Variants in PTPRK observed in about 807,000 individuals in gnomAD.
PTPRK encodes receptor-type tyrosine-protein phosphatase kappa.
Under a neutral mutation model 178.0 loss-of-function variants are expected in PTPRK, and 75 were observed. The ratio of observed to expected loss-of-function variants is 0.42; its 90% CI spans 0.35 to 0.51. The LOEUF is 0.51. Among genes scored for constraint, PTPRK ranks in the 20% least tolerant of loss-of-function variants. The pLI is 0.02. For missense variants in PTPRK, 1,441 were observed against 1,797.8 expected, an observed-to-expected ratio of 0.80 and a Z score of 3.59; for synonymous variants, 637 against 620.6, an observed-to-expected ratio of 1.03 and a Z score of -0.39.
chr6:128,340,032 A>C (rs915593151), intron 2 of PTPRK, among the ~76,000 whole-genome samples: 1 of 152,200 alleles, frequency 6.6e-6, no homozygotes, highest in African/African-American at 2.4e-5. Flanking sequence ...CCAGTAAAAG[A>C]GAGTGGTGGT....
chr6:128,507,384 C>T (rs150830868), intron 1 of PTPRK, among the ~76,000 whole-genome samples: 2 of 152,238 alleles, frequency 1.3e-5, no homozygotes, highest in Non-Finnish European at 2.9e-5. Flanking sequence ...CTCTAGAGGC[C>T]ATGTGGGCCT....
intron 13 of PTPRK, among the ~76,000 whole-genome samples, chr6:128,046,559 G>C (rs1778060792): frequency 6.6e-6 from 1 of 152,150 alleles, no homozygotes. Context: ...AAAAGTATCT[G>C]AAAATTTATT....
At chr6:128,514,552 A>C (rs1406120227) in intron 1 of PTPRK, among the ~76,000 whole-genome samples, 1 of 152,236 alleles carries the variant, frequency 6.6e-6, no homozygotes, top group Non-Finnish European at 1.5e-5. Flanking sequence ...TGGAGGATTC[A>C]GCCAGCACTG....
At chr6:128,044,149 C>G (rs1182071381) in intron 13 of PTPRK, among the ~76,000 whole-genome samples, 1 of 151,998 alleles carries the variant, frequency 6.6e-6, no homozygotes, top group Non-Finnish European at 1.5e-5. Context: ...ACTTAGATTT[C>G]AAAGAGCTTA....
At chr6:127,981,578 A>T (rs755016251) in intron 24 of PTPRK, among the ~76,000 whole-genome samples, 4 of 152,172 alleles carry the variant, frequency 2.6e-5, no homozygotes, top group Non-Finnish European at 2.9e-5. Context: ...AGAAAATGCA[A>T]TCGGGCAGTC....
intron 7 of PTPRK, among the ~76,000 whole-genome samples, chr6:128,125,107 A>T (rs578226345): frequency 1.8e-4 from 27 of 152,304 alleles, no homozygotes; most frequent in Admixed American, 6.5e-4. Flanking sequence ...TTTCTGTACA[A>T]TCCTAACTCA....
rs773490822 is a variant in PTPRK at position 128,219,104 on chromosome 6, C to G, written c.694-8G>C. ...ATCTTCTCCATTTCGTCTCTGCAAA[C>G]AGAAACCAATCTTTAAAAACAGGTT... On this transcript the variant is annotated splice_polypyrimidine_tract_variant and splice_region_variant and intron_variant, in intron 5 of 29. Transcript: ENST00000368226. 6.2e-7 allele frequency: 1 copy of G among 1,602,666 alleles called. No individual in the cohort carries two copies. Among genetic ancestry groups the G allele is most frequent in the Non-Finnish European group, 8.5e-7 (1 of 1,172,482 alleles).
chr6:128,196,884 T>C (rs765452860), intron 6 of PTPRK, among the ~76,000 whole-genome samples: 2 of 152,164 alleles, frequency 1.3e-5, no homozygotes, highest in Non-Finnish European at 2.9e-5. Context: ...GCTGAAAATT[T>C]GCTGGAGAAA....
intron 27 of PTPRK, among the ~76,000 whole-genome samples, chr6:127,974,511 A>G (rs1401704760): frequency 6.6e-6 from 1 of 152,086 alleles, no homozygotes; most frequent in African/African-American, 2.4e-5. Flanking sequence ...TTGGCCTGGG[A>G]CTTCTCTGGT....
intron 3 of PTPRK, among the ~76,000 whole-genome samples, chr6:128,306,717 G>C (rs1458415178): frequency 1.3e-5 from 2 of 152,054 alleles, no homozygotes; most frequent in African/African-American, 4.8e-5. Flanking sequence ...AGGATCACTT[G>C]AGCTCAGGAG....
In PTPRK at chr6:128,296,456, G is replaced by A. The variant is rs189068006; in HGVS notation, c.495+25583C>T. 2.8e-4 allele frequency among the ~76,000 whole-genome samples: 42 copies of A among 152,226 alleles called. No homozygotes were observed. In the East Asian group the frequency reaches 5.4e-3, roughly 20 times the overall value. ...CCAAAGTTGAAATGAAGGAAAAAAT[G>A]TTAAGGGCAGCCATAGAGAAAGGTT... On this transcript the variant is annotated intron_variant, in intron 3 of 29. Coordinates refer to ENST00000368226, the MANE Select transcript of PTPRK (RefSeq NM_002844.4).
chr6:128,037,844 C>G (rs1226475785), intron 13 of PTPRK, among the ~76,000 whole-genome samples: 1 of 152,070 alleles, frequency 6.6e-6, no homozygotes, highest in Non-Finnish European at 1.5e-5. Context: ...TTCTATTTGT[C>G]CCTGTAATAG....
At chr6:128,068,236 C>T (rs899109491) in intron 11 of PTPRK, among the ~76,000 whole-genome samples, 2 of 152,226 alleles carry the variant, frequency 1.3e-5, no homozygotes, top group African/African-American at 4.8e-5. Context: ...GTGCTAGAAG[C>T]ACCCATTTGT....
chr6:128,271,306 T>G (rs536420847), intron 3 of PTPRK, among the ~76,000 whole-genome samples: 1 of 152,208 alleles, frequency 6.6e-6, no homozygotes, highest in African/African-American at 2.4e-5. Context: ...GAGCAGTGAT[T>G]ACTAGTTAAG....
intron 5 of PTPRK, among the ~76,000 whole-genome samples, chr6:128,226,796 A>ATATG (rs1244431323): frequency 2.3e-4 from 30 of 128,786 alleles, no homozygotes; most frequent in African/African-American, 8.1e-4. Context: ...ATATATATAT[A>ATATG]TATTTCAATA....
In PTPRK at chr6:127,991,407, T is replaced by C. The variant is rs1776593157; in HGVS notation, c.2882-16A>G. On this transcript the variant is annotated splice_polypyrimidine_tract_variant and intron_variant, in intron 19 of 29. Transcript: ENST00000368226. Reference sequence around the variant, plus strand: ...TGAACGGGACCTACAAAGAAATTAATTTGAATATTATGTTATCAAAGGAAT... The same window carrying C: ...TGAACGGGACCTACAAAGAAATTAACTTGAATATTATGTTATCAAAGGAAT... 2.6e-6 allele frequency: 4 copies of C among 1,546,104 alleles called. No individual in the cohort carries two copies. Among genetic ancestry groups the C allele is most frequent in the Non-Finnish European group, 3.5e-6 (4 of 1,144,284 alleles).
At position 128,322,187 on chromosome 6, in the gene PTPRK, T is replaced by C; in HGVS notation, c.347A>G (p.Lys116Arg). Reference sequence around the variant, plus strand: ...GTTCAAAGTGCCAGGATTCAGTCCTTTCTGGCTATATAATAGGTAACTGAA... The same window carrying C: ...GTTCAAAGTGCCAGGATTCAGTCCTCTCTGGCTATATAATAGGTAACTGAA... The part of the protein sequence containing the change: ...IDFSYLLYSQ[K>R]GLNPGTLNIL... The change falls in exon 3 of 30, where the codon AAA becomes AGA. Residue 116 changes from lysine to arginine, a missense_variant. Around this residue, in one of 4 missense-constraint regions of PTPRK, gnomAD observed 158 missense variants for 188.0 expected, o/e 0.84. Coordinates refer to ENST00000368226, the MANE Select transcript of PTPRK (RefSeq NM_002844.4). 1.2e-6 allele frequency: 2 copies of C among 1,613,936 alleles called. No homozygotes were observed. The highest frequency in any genetic ancestry group is 2.2e-5 in the East Asian group (1 of 44,868).
At chr6:128,317,034 G>A (rs1828100332) in intron 3 of PTPRK, among the ~76,000 whole-genome samples, 1 of 152,136 alleles carries the variant, frequency 6.6e-6, no homozygotes, top group South Asian at 2.1e-4. Flanking sequence ...CAAATAAAAG[G>A]TATTTTGCCA....
chr6:128,364,695 G>T (rs907086896), intron 2 of PTPRK, among the ~76,000 whole-genome samples: 1 of 151,870 alleles, frequency 6.6e-6, no homozygotes, highest in Non-Finnish European at 1.5e-5. Context: ...AAAGTATATG[G>T]ATAATTATTA....
Sources: gnomAD v4.1 joint callset for allele counts (sites outside exome capture counted in the v4.1 genomes callset) on GRCh38, gnomAD v4.1.1 for gene constraint, gnomAD v4.1.1 regional missense constraint, MANE v1.5 for transcripts, NCBI Gene and HGNC (gene_info 2026-07-23, HGNC 2026-07-21) for gene names.